Variants in SLC12A7 observed in about 807,000 individuals in gnomAD.
SLC12A7 encodes the protein K-Cl cotransporter 4.
Under a neutral mutation model 120.6 loss-of-function variants are expected in SLC12A7, and 100 were observed. That is an observed-to-expected ratio of 0.83 (90% CI 0.71 to 0.98). The LOEUF is 0.98. Ranked by LOEUF, SLC12A7 falls within the 50% of genes least tolerant of loss-of-function variation. The pLI, the probability that SLC12A7 is intolerant of heterozygous loss-of-function variation, is 0.00. For missense variants in SLC12A7, 1,373 were observed against 1,548.1 expected (o/e 0.89, Z 1.90); for synonymous variants, 760 against 678.0 (o/e 1.12, Z -1.88).
the SLC12A7 span, among the ~76,000 whole-genome samples, chr5:1,124,928 G>A: frequency 6.6e-6 from 1 of 152,198 alleles, no homozygotes; most frequent in African/African-American, 2.4e-5. Flanking sequence ...CAGAGAACTG[G>A]AGGAGAAACA....
In SLC12A7 at chr5:1,064,099, AG is replaced by A. The variant is rs745587860; in HGVS notation, c.2590del (p.Leu864CysfsTer28). The stretch of plus-strand genomic sequence containing the variant: ...ACGCCCCACCTTGTGCTGGCGCAGC[AG>A]GAAGGGCAGCAGCATGAGCATGCCG... ...DGGMLMLLPF[L>X]LRQHKVWRKC... On this transcript the variant is annotated frameshift_variant, in exon 19 of 24. Coordinates refer to ENST00000264930, the MANE Select transcript of SLC12A7 (RefSeq NM_006598.3). LOFTEE classifies it high-confidence loss of function. The A allele has an allele frequency of 2.1e-5, 33 of 1,607,648 alleles. No individual in the cohort carries two copies. Among genetic ancestry groups the A allele is most frequent in the Non-Finnish European group, 1.7e-6 (2 of 1,176,636 alleles).
At chr5:1,078,813 G>GGGGGTGGGGTGGGGT (rs1183561626) in intron 10 of SLC12A7, 55 bp from the exon 11 acceptor site, 8 of 712,798 alleles carry the variant, frequency 1.1e-5, no homozygotes, top group East Asian at 2.7e-5. Context: ...CTCAGGTACG[G>GGGGGTGGGGTGGGGT]GGGGTGGGGT....
chr5:1,078,506 G>C, intron 11 of SLC12A7, 195 bp downstream of exon 11: 3 of 630,860 alleles, frequency 4.8e-6, no homozygotes, highest in Non-Finnish European at 5.8e-6. Flanking sequence ...GGCTCTGAAC[G>C]GTTCCCCAGG....
chr5:1,068,355 A>G (rs921925183), intron 17 of SLC12A7, among the ~76,000 whole-genome samples: 2 of 152,212 alleles, frequency 1.3e-5, no homozygotes, highest in Admixed American at 1.3e-4. Flanking sequence ...AACTGCTTCA[A>G]CTCGGGAGGT....
At chr5:1,077,765 T>A in intron 12 of SLC12A7, 68 bp downstream of exon 12, 2 of 1,440,212 alleles carry the variant, frequency 1.4e-6, no homozygotes, top group Non-Finnish European at 1.8e-6. Context: ...ACTGTGAGGA[T>A]CCCGCAGGGG....
In SLC12A7 at chr5:1,112,050, G is replaced by C; in HGVS notation, c.-59C>G. 1 of 1,208,570 alleles carries C rather than the reference G, an allele frequency of 8.3e-7. No homozygotes were observed. The highest frequency in any genetic ancestry group is 1.0e-6 in the Non-Finnish European group (1 of 972,188). The allele number at this position is 1,208,570 out of a possible 1,614,324, so 74.9% of individuals were successfully genotyped here. On this transcript the variant is annotated 5_prime_UTR_variant, in exon 1 of 24. Coordinates refer to ENST00000264930, the MANE Select transcript of SLC12A7 (RefSeq NM_006598.3). The stretch of plus-strand genomic sequence containing the variant: ...CGGCCCGCGCTGCGCCGCTCCCGCC[G>C]ACGCCACGGGACTTGGAGGCAGGGG...
Position 1,076,677 on chromosome 5 carries a change from G to A in SLC12A7, c.1748+17C>T, listed in dbSNP as rs760170225. 2.4e-5 allele frequency: 39 copies of A among 1,592,084 alleles called. No individual in the cohort carries two copies. The highest frequency in any genetic ancestry group is 2.8e-5 in the Non-Finnish European group (33 of 1,164,386). ...CCCATACACCCATCCCCAGGTCCCCGTCCTGTGGGGGCTCACATGGAGAGG... is the reference window on the plus strand; with the variant it reads ...CCCATACACCCATCCCCAGGTCCCCATCCTGTGGGGGCTCACATGGAGAGG... On this transcript the variant is annotated intron_variant, in intron 13 of 23. Transcript: ENST00000264930.
Position 1,111,922 on chromosome 5 carries a change from G to C in SLC12A7, c.70C>G (p.Arg24Gly). ...TCGGGGGTGCCCGGAGCCTCCGTCC[G>C]CTCGGCAGTCTCGTCCCCGCCGCCG... ...ADGGGDETAE[R>G]TEAPGTPEGP... The change falls in exon 1 of 24, where the codon CGG becomes GGG. Residue 24 changes from arginine to glycine, a missense_variant. Coordinates refer to ENST00000264930, the MANE Select transcript of SLC12A7 (RefSeq NM_006598.3). 1 of 1,274,664 alleles carries C rather than the reference G, an allele frequency of 7.8e-7. No individual in the cohort carries two copies. Among genetic ancestry groups the C allele is most frequent in the Non-Finnish European group, 9.9e-7 (1 of 1,008,686 alleles). The allele number at this position is 1,274,664 out of a possible 1,614,324, so 79.0% of individuals were successfully genotyped here. A position where few individuals can be genotyped will look rare whatever the true frequency, so the allele number is the denominator to read the frequency against.
At chr5:1,125,923 C>CAAAA in the SLC12A7 span, among the ~76,000 whole-genome samples, 2 of 100,616 alleles carry the variant, frequency 2.0e-5, no homozygotes, top group African/African-American at 7.0e-5. Flanking sequence ...GGCCCTGCCT[C>CAAAA]AAAAAAAAAA....
At chr5:1,116,294 C>T (rs1336522681), upstream of SLC12A7, among the ~76,000 whole-genome samples, 1 of 152,206 alleles carries the variant, frequency 6.6e-6, no homozygotes, top group African/African-American at 2.4e-5. Flanking sequence ...CCCTGGCTTG[C>T]CCAGGGCGGG....
intron 1 of SLC12A7, among the ~76,000 whole-genome samples, chr5:1,106,210 C>G (rs1033193669): frequency 1.3e-5 from 2 of 152,176 alleles, no homozygotes; most frequent in Admixed American, 6.5e-5. Flanking sequence ...CCCAGCACTC[C>G]GGGAGGCCGA....
intron 21 of SLC12A7, among the ~76,000 whole-genome samples, chr5:1,059,285 TTCTC>T (rs893414638): frequency 8.1e-4 from 124 of 152,266 alleles, no homozygotes; most frequent in African/African-American, 2.9e-3. Context: ...CCACACGCCT[TTCTC>T]TGTTGGGGGA....
intron 4 of SLC12A7, 84 bp from the exon 5 acceptor site, chr5:1,088,444 C>A: frequency 7.1e-7 from 1 of 1,408,334 alleles, no homozygotes; most frequent in Non-Finnish European, 9.8e-7. Context: ...GGTCTATGAC[C>A]CGGCTCCCGC....
chr5:1,133,271 C>T, the SLC12A7 span, among the ~76,000 whole-genome samples: 14 of 152,344 alleles, frequency 9.2e-5, no homozygotes, highest in African/African-American at 3.1e-4. Flanking sequence ...AGGCGCCCTG[C>T]GCTGGGCTAA....
chr5:1,125,268 A>AGTGTGTGTGT, the SLC12A7 span, among the ~76,000 whole-genome samples: 866 of 150,476 alleles, frequency 5.8e-3, 5 homozygotes, highest in African/African-American at 0.019. Flanking sequence ...TTTAAACGAA[A>AGTGTGTGTGT]GTGTGTGTGT....
At chr5:1,060,126 G>A (rs924704200) in intron 21 of SLC12A7, among the ~76,000 whole-genome samples, 2 of 152,194 alleles carry the variant, frequency 1.3e-5, no homozygotes, top group East Asian at 1.9e-4. Flanking sequence ...GCACCCGCAC[G>A]CCCAGGCTCC....
At position 1,050,853 on chromosome 5, in the gene SLC12A7, A is replaced by C. The variant is rs1459724903; in HGVS notation, c.*1507T>G. ...GTCACTCTACAGCAATGCCAGCCCT[A>C]GTCTGGCTCCTCAGAAACATCTGGG... On this transcript the variant is annotated 3_prime_UTR_variant, in exon 24 of 24. Coordinates refer to ENST00000264930, the MANE Select transcript of SLC12A7 (RefSeq NM_006598.3). 5.0e-6 allele frequency: 2 copies of C among 398,552 alleles called. No individual in the cohort carries two copies. Among genetic ancestry groups the C allele is most frequent in the Non-Finnish European group, 8.8e-6 (2 of 226,074 alleles). 24.7% of individuals were successfully genotyped at this position (398,552 alleles called of 1,614,324 possible).
chr5:1,155,236 G>A, the SLC12A7 span, among the ~76,000 whole-genome samples: 1 of 152,108 alleles, frequency 6.6e-6, no homozygotes, highest in Non-Finnish European at 1.5e-5. Flanking sequence ...CCACCCTCCC[G>A]CGCTATAAAT....
At chr5:1,075,782 G>A (rs370236445) in intron 14 of SLC12A7, 9 of 499,318 alleles carry the variant, frequency 1.8e-5, no homozygotes, top group African/African-American at 7.7e-5. Context: ...TCCACCCAGC[G>A]CCTGATTCCT....
Sources: allele counts gnomAD v4.1 joint callset (sites outside exome capture counted in the v4.1 genomes callset), GRCh38; gene constraint gnomAD v4.1.1; transcripts MANE v1.5; gene names NCBI Gene and HGNC (gene_info 2026-07-23, HGNC 2026-07-21).